The following VEGFD variants were observed in gnomAD, a reference collection of about 807,000 sequenced individuals.
The protein encoded by VEGFD is c-fos induced growth factor (vascular endothelial growth factor D).
In VEGFD, 26 loss-of-function variants were observed where a neutral mutation model predicts 28.0. That is an observed-to-expected ratio of 0.93 (90% CI 0.68 to 1.29). The LOEUF (loss-of-function observed/expected upper bound fraction) is 1.29, where lower values mean the gene tolerates loss of function less well. VEGFD is among the 50% of genes most tolerant of loss of function. The probability of loss-of-function intolerance (pLI) is 0.00; values close to 1 mark genes in which losing one functional copy is unlikely to be tolerated. For missense variants in VEGFD, 294 were observed against 273.4 expected, an observed-to-expected ratio of 1.08 and a Z score of -0.53; for synonymous variants, 93 against 95.5, an observed-to-expected ratio of 0.97 and a Z score of 0.15.
At chrX:15,382,543 C>T (rs6632519) in intron 1 of VEGFD, among the ~76,000 whole-genome samples, 34,729 of 110,405 alleles carry the variant, frequency 0.31, 4,674 homozygotes, top group African/African-American at 0.51. Context: ...ATTTCTGTTT[C>T]ATGAACTTAC....
In VEGFD at chrX:15,347,033, C is replaced by T; in HGVS notation, c.938+131G>A. 2.2e-5 allele frequency: 12 copies of T among 547,798 alleles called. No individual in the cohort carries two copies. In the South Asian group the frequency reaches 3.8e-4, roughly 17 times the overall value. The allele number at this position is 547,798 out of a possible 1,213,427, so 45.1% of individuals were successfully genotyped here. A position where few individuals can be genotyped will look rare whatever the true frequency, so the allele number is the denominator to read the frequency against. On this transcript the variant is annotated intron_variant, in intron 6 of 6. Transcript: ENST00000297904. Reference sequence around the variant, plus strand: ...TCTTGCTTATTCCTTAGCTGCTAAACCTCTGTTCTATTATCCAAAAGGGAC... The same window carrying T: ...TCTTGCTTATTCCTTAGCTGCTAAATCTCTGTTCTATTATCCAAAAGGGAC...
At chrX:15,367,989 A>AGAAAG (rs1923193714) in intron 1 of VEGFD, among the ~76,000 whole-genome samples, 1 of 78,038 alleles carries the variant, frequency 1.3e-5, no homozygotes, top group Non-Finnish European at 2.6e-5. Context: ...AAAAAGAAAA[A>AGAAAG]GAAAGAAAGA....
At chrX:15,374,427 G>A (rs1188192803) in intron 1 of VEGFD, among the ~76,000 whole-genome samples, 2 of 112,212 alleles carry the variant, frequency 1.8e-5, no homozygotes, top group African/African-American at 6.5e-5. Flanking sequence ...AAGGCAGTAT[G>A]AGTGAAAGAA....
intron 4 of VEGFD, among the ~76,000 whole-genome samples, chrX:15,354,345 G>A (rs760226662): frequency 2.1e-3 from 235 of 109,656 alleles, no homozygotes; most frequent in African/African-American, 7.7e-3. Flanking sequence ...AATAAATGTT[G>A]CTTTTCTACA....
rs1260963851 is a variant in VEGFD, at chrX:15,351,267, C to T, written c.742+1801G>A. On this transcript the variant is annotated intron_variant, in intron 5 of 6. Coordinates refer to ENST00000297904, the MANE Select transcript of VEGFD (RefSeq NM_004469.5). ...AGTAGCTGGGACTACAGGCGCCCGC[C>T]ACTACGCCCGGCTAATTTTTTTTTT... Among the ~76,000 whole-genome samples, 4 of 103,637 alleles carry T rather than the reference C, an allele frequency of 3.9e-5. No individual in the cohort carries two copies. The East Asian group carries it at 1.2e-3, about 31-fold the overall frequency. 90.0% of individuals were successfully genotyped at this position (103,637 alleles called of 115,157 possible). A position where few individuals can be genotyped will look rare whatever the true frequency, so the allele number is the denominator to read the frequency against.
chrX:15,376,120 G>A (rs937011326), intron 1 of VEGFD, among the ~76,000 whole-genome samples: 1 of 111,708 alleles, frequency 9.0e-6, no homozygotes, highest in African/African-American at 3.3e-5. Context: ...CCTTTATGGT[G>A]ATTAGGCTAT....
chrX:15,352,963 C>A (rs4523426), intron 5 of VEGFD, 105 bp downstream of exon 5: 21,524 of 334,542 alleles, frequency 0.064, 988 homozygotes, highest in African/African-American at 0.23. Flanking sequence ...AAAACATATA[C>A]AAGATTTACA....
chrX:15,367,761 G>A (rs1168913876), intron 1 of VEGFD, among the ~76,000 whole-genome samples: 1 of 108,927 alleles, frequency 9.2e-6, no homozygotes, highest in Non-Finnish European at 1.9e-5. Flanking sequence ...TTCAAGATCA[G>A]ACTGGAAACA....
At chrX:15,365,460 C>T (rs1923123597) in intron 1 of VEGFD, among the ~76,000 whole-genome samples, 1 of 112,162 alleles carries the variant, frequency 8.9e-6, no homozygotes, top group African/African-American at 3.2e-5. Flanking sequence ...AGATCAAGAG[C>T]TGTCAAACTA....
rs143510014 is a variant in VEGFD, at chrX:15,355,270, G to C, written c.521C>G (p.Ser174Ter). The change falls in exon 4 of 7, where the codon TCA becomes TGA. Residue 174 changes from serine (S) to a stop codon, truncating the protein, a stop_gained. Coordinates refer to ENST00000297904, the MANE Select transcript of VEGFD (RefSeq NM_004469.5). LOFTEE classifies it high-confidence loss of function. ...QLFEISVPLT[S>*]VPELVPVKVA... ...TTTAACAGGCACTAATTCAGGTACTGATGTCAAAGGCACTGATATCTCAAA... is the reference window on the plus strand; with the variant it reads ...TTTAACAGGCACTAATTCAGGTACTCATGTCAAAGGCACTGATATCTCAAA... The C allele has an allele frequency of 9.2e-6, 11 of 1,195,310 alleles. No homozygotes were observed. Among genetic ancestry groups the C allele is most frequent in the Non-Finnish European group, 1.2e-5 (11 of 889,439 alleles).
intron 1 of VEGFD, among the ~76,000 whole-genome samples, chrX:15,371,717 C>A (rs998020493): frequency 1.7e-4 from 19 of 112,059 alleles, no homozygotes; most frequent in South Asian, 3.7e-4. Context: ...TAAAATTATT[C>A]ATTACCCAAA....
intron 2 of VEGFD, among the ~76,000 whole-genome samples, chrX:15,362,519 C>T (rs1036548757): frequency 5.4e-5 from 6 of 110,580 alleles, no homozygotes; most frequent in Non-Finnish European, 1.1e-4. Context: ...TGGGCTCAGC[C>T]GATCCTCCCA....
Position 15,347,174 on chromosome X carries a change from C to G in VEGFD, c.928G>C (p.Asp310His). 8.3e-7 allele frequency: 1 copy of G among 1,207,956 alleles called. No individual in the cohort carries two copies. ...CCQKHKLFHPDTCSCEDRCPF... is the reference protein window; with the variant it reads ...CCQKHKLFHPHTCSCEDRCPF... The stretch of plus-strand genomic sequence containing the variant: ...ACTCAAGGCATTTACCTGCAGGTGT[C>G]TGGGTGAAATAGCTTGTGCTTCTGG... The change falls in exon 6 of 7, where the codon GAC becomes CAC. Residue 310 changes from aspartate to histidine, a missense_variant. Asp to His is a moderately conservative substitution (Grantham distance 81, BLOSUM62 -1). Transcript: ENST00000297904.
chrX:15,381,054 A>C (rs1923558441), intron 1 of VEGFD, among the ~76,000 whole-genome samples: 1 of 112,492 alleles, frequency 8.9e-6, no homozygotes, highest in Admixed American at 9.4e-5. Context: ...CTTAACAGCT[A>C]AATAGTATAC....
intron 1 of VEGFD, among the ~76,000 whole-genome samples, chrX:15,378,234 G>T (rs6629049): frequency 0.17 from 18,634 of 111,462 alleles, 1,386 homozygotes; most frequent in East Asian, 0.38. Context: ...TTATAGGATG[G>T]CTTGTGCCTG....
intron 5 of VEGFD, among the ~76,000 whole-genome samples, chrX:15,350,076 C>T (rs1208329829): frequency 9.0e-6 from 1 of 111,704 alleles, no homozygotes; most frequent in African/African-American, 3.3e-5. Flanking sequence ...GGTACTGTCA[C>T]TCTCCTGCTT....
Position 15,365,566 on chromosome X carries a change from C to T in VEGFD, c.91-2247G>A, listed in dbSNP as rs191220326. On this transcript the variant is annotated intron_variant, in intron 1 of 6. Coordinates refer to ENST00000297904, the MANE Select transcript of VEGFD (RefSeq NM_004469.5). ...TGTCCATTCATTTACTTATTGTCTA[C>T]GGCTGCTTTCATACTACAAAAGCAG... 2.4e-3 allele frequency among the ~76,000 whole-genome samples: 273 copies of T among 112,257 alleles called. 1 individual carries two copies. The highest frequency in any genetic ancestry group is 8.2e-3 in the African/African-American group (255 of 30,923).
At chrX:15,350,797 T>TTTTC (rs1296009996) in intron 5 of VEGFD, among the ~76,000 whole-genome samples, 30 of 101,292 alleles carry the variant, frequency 3.0e-4, no homozygotes, top group Non-Finnish European at 5.0e-4. Context: ...CTTTCTTTTC[T>TTTTC]TTTCTTTCTT....
Position 15,355,280 on chromosome X carries a change from G to T in VEGFD, c.511C>A (p.Pro171Thr). The T allele has an allele frequency of 8.4e-7, 1 of 1,190,227 alleles. No individual in the cohort carries two copies. Among genetic ancestry groups the T allele is most frequent in the Non-Finnish European group, 1.1e-6 (1 of 886,549 alleles). ...ACTAATTCAGGTACTGATGTCAAAG[G>T]CACTGATATCTCAAAGAGCTACAGC... ...ISKQLFEISV[P>T]LTSVPELVPV... is the part of the protein sequence containing the mutation. The change falls in exon 4 of 7, where the codon CCT (proline) becomes ACT (threonine). Residue 171 changes from proline (P) to threonine (T), a missense_variant. Transcript: ENST00000297904.
Sources: allele counts gnomAD v4.1 joint callset (sites outside exome capture counted in the v4.1 genomes callset), GRCh38; gene constraint gnomAD v4.1.1; transcripts MANE v1.5; gene names NCBI Gene and HGNC (gene_info 2026-07-23, HGNC 2026-07-21).